ABCC4: variants seen among roughly 807,000 people sequenced by gnomAD.
ABCC4 encodes ATP-binding cassette sub-family C member 4.
ABCC4 carries 102 observed loss-of-function variants against 168.5 expected under a neutral mutation model. The ratio of observed to expected loss-of-function variants is 0.61; its 90% CI spans 0.52 to 0.71. ABCC4 has a LOEUF of 0.71. ABCC4 is among the 30% of genes least tolerant of loss of function. The probability of loss-of-function intolerance (pLI) is 0.00; values close to 1 mark genes in which losing one functional copy is unlikely to be tolerated. For missense variants in ABCC4, 1,402 were observed against 1,605.8 expected (o/e 0.87, Z 2.17); for synonymous variants, 617 against 590.7 (o/e 1.04, Z -0.65).
At chr13:95,204,313 A>G (rs1457077988) in intron 8 of ABCC4, among the ~76,000 whole-genome samples, 2 of 152,234 alleles carry the variant, frequency 1.3e-5, no homozygotes, top group Admixed American at 6.5e-5. Context: ...ACCAGAGGAT[A>G]CTAAGGCAGC....
intron 19 of ABCC4, among the ~76,000 whole-genome samples, chr13:95,152,822 T>C (rs1594191091): frequency 6.6e-6 from 1 of 152,226 alleles, no homozygotes; most frequent in East Asian, 1.9e-4. Context: ...ACTCCAGTTA[T>C]AAATGGAAAA....
chr13:95,130,666 C>T (rs12856984), intron 19 of ABCC4, among the ~76,000 whole-genome samples: 4,233 of 152,170 alleles, frequency 0.028, 79 homozygotes, highest in Non-Finnish European at 0.046. Context: ...GTAACCCAAT[C>T]GTCAAATCAA....
At chr13:95,037,514 G>C (rs751396479) in intron 29 of ABCC4, among the ~76,000 whole-genome samples, 8 of 152,220 alleles carry the variant, frequency 5.3e-5, no homozygotes, top group Non-Finnish European at 1.2e-4. Context: ...GTGCAAATAA[G>C]TTAAACAACT....
Position 95,073,200 on chromosome 13 carries a change from T to C in ABCC4, c.3018+4A>G, listed in dbSNP as rs1442962196. 6.2e-7 allele frequency: 1 copy of C among 1,610,418 alleles called. No homozygotes were observed. The highest frequency in any genetic ancestry group is 1.1e-5 in the South Asian group (1 of 90,852). On this transcript the variant is annotated splice_donor_region_variant and intron_variant, in intron 24 of 30. Transcript: ENST00000645237. ...AAGGCAAAGAACGTGAAGGTAAATA[T>C]TACCATATTCTCAACTTCAGCACTT...
chr13:95,103,316 A>G (rs943115969), intron 20 of ABCC4, among the ~76,000 whole-genome samples: 1 of 152,154 alleles, frequency 6.6e-6, no homozygotes, highest in African/African-American at 2.4e-5. Flanking sequence ...TTCCTAGAGA[A>G]CCAAGAGCAC....
intron 3 of ABCC4, among the ~76,000 whole-genome samples, chr13:95,237,497 C>A (rs567063936): frequency 6.6e-6 from 1 of 152,314 alleles, no homozygotes; most frequent in African/African-American, 2.4e-5. Context: ...AGTCCTTACT[C>A]CTTCACAAGA....
intron 9 of ABCC4, among the ~76,000 whole-genome samples, chr13:95,192,274 C>T (rs1210598220): frequency 6.6e-6 from 1 of 152,164 alleles, no homozygotes. Flanking sequence ...CTTTCCTCTG[C>T]AGCTTCTCTC....
At chr13:95,259,534 C>T (rs11617539) in intron 1 of ABCC4, among the ~76,000 whole-genome samples, 9,483 of 152,232 alleles carry the variant, frequency 0.062, 442 homozygotes, top group Non-Finnish European at 0.098. Context: ...GAACCCCACC[C>T]TCAAGAAGCC....
chr13:95,109,591 A>C (rs1382862628), intron 20 of ABCC4, among the ~76,000 whole-genome samples: 4 of 152,250 alleles, frequency 2.6e-5, no homozygotes, highest in African/African-American at 9.6e-5. Context: ...ATATGGCTGC[A>C]CTGTGAGAAG....
intron 3 of ABCC4, among the ~76,000 whole-genome samples, chr13:95,237,278 T>C (rs1220094090): frequency 1.3e-5 from 2 of 152,228 alleles, no homozygotes; most frequent in Non-Finnish European, 2.9e-5. Flanking sequence ...TTTTGGTCCA[T>C]GCTTTTCCAC....
At chr13:95,293,756 C>T (rs1272156152) in intron 1 of ABCC4, among the ~76,000 whole-genome samples, 2 of 150,232 alleles carry the variant, frequency 1.3e-5, no homozygotes, top group Non-Finnish European at 3.0e-5. Context: ...TAAGCCACCG[C>T]ACCCAGCCTG....
At chr13:95,193,204 G>T (rs4148483) in intron 9 of ABCC4, among the ~76,000 whole-genome samples, 13,973 of 152,296 alleles carry the variant, frequency 0.092, 884 homozygotes, top group East Asian at 0.2. Flanking sequence ...GGAGGCAGTG[G>T]GGCTGGGCAG....
At chr13:95,179,906 C>T (rs1055719093) in intron 11 of ABCC4, among the ~76,000 whole-genome samples, 5 of 152,050 alleles carry the variant, frequency 3.3e-5, no homozygotes, top group South Asian at 2.1e-4. Flanking sequence ...CATAGAATGC[C>T]GGAACAATCT....
At chr13:95,175,007 T>C (rs992171903) in intron 13 of ABCC4, among the ~76,000 whole-genome samples, 1 of 152,208 alleles carries the variant, frequency 6.6e-6, no homozygotes, top group Admixed American at 6.5e-5. Flanking sequence ...ATACACACCA[T>C]TGTGCAACCA....
chr13:95,029,988 T>TATCCATCC (rs71207571), intron 30 of ABCC4, among the ~76,000 whole-genome samples: 40,873 of 146,166 alleles, frequency 0.28, 5,814 homozygotes, highest in East Asian at 0.33. Context: ...CTTGTCTATC[T>TATCCATCC]ATCCATCCAT....
chr13:95,127,577 C>T (rs937667960), intron 19 of ABCC4, among the ~76,000 whole-genome samples: 38 of 152,138 alleles, frequency 2.5e-4, no homozygotes, highest in Non-Finnish European at 1.8e-4. Context: ...CGTGCCTGGC[C>T]TGATTTTCTT....
intron 9 of ABCC4, among the ~76,000 whole-genome samples, chr13:95,189,807 G>A (rs2139630419): frequency 6.6e-6 from 1 of 152,276 alleles, no homozygotes; most frequent in African/African-American, 2.4e-5. Flanking sequence ...CCTGCAGCTT[G>A]TGTTACCCAT....
At chr13:95,038,475 C>T (rs1272310291) in intron 29 of ABCC4, among the ~76,000 whole-genome samples, 1 of 151,736 alleles carries the variant, frequency 6.6e-6, no homozygotes, top group African/African-American at 2.4e-5. Context: ...CAGAAGTCAC[C>T]TCTGGCCAAA....
chr13:95,049,703 A>G (rs1271603788), intron 27 of ABCC4, among the ~76,000 whole-genome samples: 1 of 152,026 alleles, frequency 6.6e-6, no homozygotes, highest in African/African-American at 2.4e-5. Flanking sequence ...ACACAACCAC[A>G]TCCATAGGAC....
Sources: gnomAD v4.1 joint callset for allele counts (sites outside exome capture counted in the v4.1 genomes callset) on GRCh38, gnomAD v4.1.1 for gene constraint, MANE v1.5 for transcripts, NCBI Gene and HGNC (gene_info 2026-07-23, HGNC 2026-07-21) for gene names.